The following TLK1 variants were observed in gnomAD, a reference collection of about 807,000 sequenced individuals.
The protein encoded by TLK1 is tousled like kinase 1.
In TLK1, 24 loss-of-function variants were observed where a neutral mutation model predicts 105.3. The observed-to-expected ratio is 0.23, with a 90% confidence interval of 0.17 to 0.32. The LOEUF (loss-of-function observed/expected upper bound fraction) is 0.32. TLK1 is among the 10% of genes least tolerant of loss of function. The pLI, the probability that TLK1 is intolerant of heterozygous loss-of-function variation, is 1.00. For synonymous variants in TLK1, 321 were observed against 310.4 expected, an observed-to-expected ratio of 1.03 and a Z score of -0.36; for missense variants, 558 against 910.5, an observed-to-expected ratio of 0.61 and a Z score of 4.98.
chr2:171,104,433 A>AC (rs1558944118), intron 2 of TLK1, among the ~76,000 whole-genome samples: 1 of 152,032 alleles, frequency 6.6e-6, no homozygotes, highest in Non-Finnish European at 1.5e-5. Context: ...ATAGAAAGAC[A>AC]CCCCACGTTC....
At chr2:171,010,781 C>T (rs779137850) in intron 14 of TLK1, among the ~76,000 whole-genome samples, 4 of 152,026 alleles carry the variant, frequency 2.6e-5, no homozygotes, top group Non-Finnish European at 5.9e-5. Flanking sequence ...TTAAGGGGTA[C>T]AATCTTTCTA....
chr2:171,058,029 T>A, intron 5 of TLK1, 122 bp downstream of exon 5: 3 of 895,828 alleles, frequency 3.3e-6, no homozygotes, highest in Non-Finnish European at 5.2e-6. Context: ...CACATAGTAA[T>A]AAAGCTCTGC....
At chr2:171,222,757 C>T (rs900580616) in intron 1 of TLK1, among the ~76,000 whole-genome samples, 5 of 152,090 alleles carry the variant, frequency 3.3e-5, no homozygotes, top group Non-Finnish European at 7.4e-5. Context: ...CATTCCAATT[C>T]TACTCTTCTA....
In TLK1 at chr2:171,128,964, GTA is replaced by G. The variant is rs371336892; in HGVS notation, c.140-11109_140-11108del. Among the ~76,000 whole-genome samples the G allele has an allele frequency of 6.3e-3, 784 of 123,788 alleles. 6 individuals are homozygous for G. Among genetic ancestry groups the G allele is most frequent in the African/African-American group, 0.028 (720 of 26,126 alleles). The allele number at this position is 123,788 out of a possible 152,430, so 81.2% of individuals were successfully genotyped here. On this transcript the variant is annotated intron_variant, in intron 1 of 20. Transcript: ENST00000431350. ...CCCAAAAGAAGGGTCCAGAGGAAGA[GTA>G]TGTGTGTGTGTGTGTGTATGTGTGT...
chr2:171,034,557 G>A (rs773227504), intron 11 of TLK1, among the ~76,000 whole-genome samples: 10 of 152,106 alleles, frequency 6.6e-5, no homozygotes, highest in African/African-American at 2.2e-4. Context: ...AAAGAAAACC[G>A]ATTATTTGCT....
upstream of TLK1, among the ~76,000 whole-genome samples, chr2:171,163,919 T>A (rs981120117): frequency 2.6e-5 from 4 of 152,062 alleles, no homozygotes; most frequent in Non-Finnish European, 5.9e-5. Context: ...AGAGATGGGG[T>A]TTCACCATGT....
At chr2:171,122,642 ATTTTTTT>A (rs757550848) in intron 1 of TLK1, among the ~76,000 whole-genome samples, 1 of 144,504 alleles carries the variant, frequency 6.9e-6, no homozygotes, top group South Asian at 2.2e-4. Context: ...GACAGAAACA[ATTTTTTT>A]TTTTTTTTGG....
chr2:171,199,604 T>A (rs1693359631), intron 1 of TLK1, among the ~76,000 whole-genome samples: 2 of 152,118 alleles, frequency 1.3e-5, no homozygotes, highest in South Asian at 4.1e-4. Flanking sequence ...AGTCTGAAGT[T>A]CGAGGGCTCC....
chr2:171,152,725 G>C (rs536515322), intron 1 of TLK1, among the ~76,000 whole-genome samples: 26 of 152,098 alleles, frequency 1.7e-4, no homozygotes, highest in Non-Finnish European at 3.5e-4. Context: ...ACAATAAATA[G>C]ACTGCTCCGA....
At chr2:171,136,674 G>A (rs1334622320) in intron 1 of TLK1, among the ~76,000 whole-genome samples, 1 of 152,182 alleles carries the variant, frequency 6.6e-6, no homozygotes, top group Non-Finnish European at 1.5e-5. Context: ...GTTTGCATAT[G>A]TACAGAGCTA....
intron 8 of TLK1, among the ~76,000 whole-genome samples, chr2:171,052,334 G>A (rs375487988): frequency 9.9e-5 from 15 of 152,222 alleles, no homozygotes; most frequent in East Asian, 7.7e-4. Flanking sequence ...TGGAAAATGC[G>A]TATGCCCTGT....
At position 171,158,196 on chromosome 2, in the gene TLK1, T is replaced by C. The variant is rs550144865; in HGVS notation, c.139+2094A>G. Among the ~76,000 whole-genome samples, 3 of 152,310 alleles carry C rather than the reference T, an allele frequency of 2.0e-5. No homozygotes were observed. In the East Asian group the frequency reaches 5.8e-4, roughly 29 times the overall value. The stretch of plus-strand genomic sequence containing the variant: ...CCTAGAGAGGATTAATAGTTTCAAC[T>C]TGCATGCTGGTTGGTCAAAAAGAAA... On this transcript the variant is annotated intron_variant, in intron 1 of 20. Transcript: ENST00000431350.
chr2:171,125,598 C>G (rs1468875734), intron 1 of TLK1, among the ~76,000 whole-genome samples: 1 of 152,074 alleles, frequency 6.6e-6, no homozygotes, highest in Non-Finnish European at 1.5e-5. Context: ...AATGAGAATG[C>G]CATATACAGT....
chr2:171,205,748 C>T (rs1693494657), intron 1 of TLK1, among the ~76,000 whole-genome samples: 1 of 152,236 alleles, frequency 6.6e-6, no homozygotes, highest in African/African-American at 2.4e-5. Flanking sequence ...CCATTCTCTT[C>T]ACTTAAGCTG....
At chr2:171,120,854 G>T (rs1380409645) in intron 1 of TLK1, among the ~76,000 whole-genome samples, 1 of 152,198 alleles carries the variant, frequency 6.6e-6, no homozygotes, top group Non-Finnish European at 1.5e-5. Context: ...CACATTTACA[G>T]CAGCATTATT....
At chr2:171,032,119 C>A (rs1575533153) in intron 11 of TLK1, among the ~76,000 whole-genome samples, 1 of 152,118 alleles carries the variant, frequency 6.6e-6, no homozygotes, top group Non-Finnish European at 1.5e-5. Flanking sequence ...GCAACAACAA[C>A]CCAGGCAAAC....
At chr2:171,201,826 T>G (rs1167929129) in intron 1 of TLK1, among the ~76,000 whole-genome samples, 1 of 152,208 alleles carries the variant, frequency 6.6e-6, no homozygotes, top group Non-Finnish European at 1.5e-5. Context: ...GAGAGGGCAG[T>G]GAGAACCTCA....
chr2:171,035,568 C>G (rs1024456863), intron 11 of TLK1, among the ~76,000 whole-genome samples: 6 of 152,190 alleles, frequency 3.9e-5, no homozygotes, highest in Non-Finnish European at 5.9e-5. Context: ...ATACCAAGTA[C>G]TACTGTGATA....
At chr2:171,226,287 A>T (rs1268345119) in intron 1 of TLK1, among the ~76,000 whole-genome samples, 1 of 152,232 alleles carries the variant, frequency 6.6e-6, no homozygotes, top group Admixed American at 6.5e-5. Flanking sequence ...AATAGCAAGT[A>T]GTATTAGGAA....
Sources: allele counts gnomAD v4.1 joint callset (sites outside exome capture counted in the v4.1 genomes callset), GRCh38; gene constraint gnomAD v4.1.1; transcripts MANE v1.5; gene names NCBI Gene and HGNC (gene_info 2026-07-23, HGNC 2026-07-21).